The following GRAMD4 variants were observed in gnomAD, a reference collection of about 807,000 sequenced individuals.
GRAMD4 encodes the protein GRAM domain-containing protein 4.
A neutral mutation model predicts 83.9 loss-of-function variants in GRAMD4; 25 were observed. The observed-to-expected ratio is 0.30, with a 90% CI of 0.22 to 0.42. GRAMD4 has a LOEUF of 0.42. Ranked by LOEUF, GRAMD4 falls within the 10% of genes least tolerant of loss-of-function variation. GRAMD4 has a pLI of 1.00. For missense variants in GRAMD4, 593 were observed against 788.7 expected, an observed-to-expected ratio of 0.75 and a Z score of 2.97; for synonymous variants, 336 against 320.9, an observed-to-expected ratio of 1.05 and a Z score of -0.50.
chr22:46,637,904 G>T lies in GRAMD4; in HGVS notation c.227G>T (p.Arg76Leu). ...VQDFNRTEFD[R>L]LNEIKGHLEI... The stretch of plus-strand genomic sequence containing the variant: ...GACTTTAACCGGACAGAGTTTGATC[G>T]ACTGAATGAGATCAAAGGTCACCTG... Residue 76 changes from arginine to leucine, a missense_variant, in exon 3 of 19, where the codon CGA becomes CTA. This residue lies in a region of GRAMD4 where 312 missense variants were observed against 350.7 expected (regional missense o/e 0.89). Coordinates refer to ENST00000406902, the MANE Select transcript of GRAMD4 (RefSeq NM_015124.5). 1 of 1,613,286 alleles carries T rather than the reference G, an allele frequency of 6.2e-7. No individual in the cohort carries two copies. The highest frequency in any genetic ancestry group is 1.3e-5 in the African/African-American group (1 of 75,042).
chr22:46,635,773 A>G (rs535164320), intron 2 of GRAMD4, among the ~76,000 whole-genome samples: 462 of 18,768 alleles, frequency 0.025, 22 homozygotes, highest in East Asian at 0.15. Flanking sequence ...CTCCTGTCCT[A>G]GGTGGCCGTG....
At chr22:46,610,086 C>G (rs2147086818) in intron 1 of GRAMD4, among the ~76,000 whole-genome samples, 1 of 152,332 alleles carries the variant, frequency 6.6e-6, no homozygotes, top group Admixed American at 6.5e-5. Flanking sequence ...CTTCACCAAG[C>G]TTCTTCTGCC....
chr22:46,613,112 G>A (rs1270469366), intron 1 of GRAMD4, among the ~76,000 whole-genome samples: 1 of 152,252 alleles, frequency 6.6e-6, no homozygotes, highest in Non-Finnish European at 1.5e-5. Context: ...TGTATGGGGC[G>A]TGAGAGCAGC....
intron 6 of GRAMD4, among the ~76,000 whole-genome samples, chr22:46,663,597 G>T (rs1028792782): frequency 1.3e-5 from 2 of 152,358 alleles, no homozygotes; most frequent in African/African-American, 4.8e-5. Context: ...CAGGAGATGA[G>T]GGGACGATTT....
chr22:46,596,040 G>A lies in GRAMD4; in HGVS notation c.-50+18750G>A, dbSNP rs117239565. On this transcript the variant is annotated intron_variant, in intron 1 of 1. Transcript: ENST00000431155. ...CTGGAAGCGTTGCTTCAGTGCATTA[G>A]GATGGGTTCACTTTCTCGTAATTCA... Among the ~76,000 whole-genome samples, 797 of 152,348 alleles carry A rather than the reference G, an allele frequency of 5.2e-3. 6 individuals are homozygous for A. The highest frequency in any genetic ancestry group is 9.1e-3 in the Non-Finnish European group (616 of 68,032).
intron 1 of GRAMD4, among the ~76,000 whole-genome samples, chr22:46,579,561 T>G (rs2081077408): frequency 6.6e-6 from 1 of 152,182 alleles, no homozygotes; most frequent in Non-Finnish European, 1.5e-5. Flanking sequence ...AGCACCCCAC[T>G]TGACGGGTCC....
chr22:46,671,745 C>G lies in GRAMD4; in HGVS notation c.1085-1098C>G, dbSNP rs1436594086. Among the ~76,000 whole-genome samples the G allele has an allele frequency of 2.0e-5, 3 of 150,262 alleles. 1 individual carries two copies. Among genetic ancestry groups the G allele is most frequent in the Non-Finnish European group, 4.4e-5 (3 of 67,736 alleles). ...CTCCCAGCTACTCGAGAGGCTGAGG[C>G]AGGAGAATCGCTTGAACCCGGGAGG... On this transcript the variant is annotated intron_variant, in intron 13 of 18. Coordinates refer to ENST00000406902, the MANE Select transcript of GRAMD4 (RefSeq NM_015124.5).
exon 1 of GRAMD4, chr22:46,577,273 C>T: frequency 1.6e-5 from 16 of 979,460 alleles, no homozygotes; most frequent in Non-Finnish European, 1.8e-5. Context: ...TGAGAGTTGG[C>T]CCCGATATCC....
chr22:46,672,392 A>G lies in GRAMD4; in HGVS notation c.1085-451A>G, dbSNP rs1401844819. On this transcript the variant is annotated intron_variant, in intron 13 of 18. Transcript: ENST00000406902. This position sits in a 1 kb window ranked among gnomAD's most constrained non-coding sequence, Gnocchi z 4.7. The stretch of plus-strand genomic sequence containing the variant: ...TGGGCGTGGGGGGGCACCCAGTTGA[A>G]GAAGGGCAGGTGGGAGGGGGTTTGG... Among the ~76,000 whole-genome samples, 2 of 149,086 alleles carry G rather than the reference A, an allele frequency of 1.3e-5. No homozygotes were observed. Among genetic ancestry groups the G allele is most frequent in the Admixed American group, 6.6e-5 (1 of 15,100 alleles).
upstream of GRAMD4, among the ~76,000 whole-genome samples, chr22:46,620,009 T>G (rs1357120124): frequency 6.6e-6 from 1 of 152,004 alleles, no homozygotes; most frequent in African/African-American, 2.4e-5. The surrounding 1 kb of genome is among the most constrained non-coding windows in gnomAD (Gnocchi z 4.7). Context: ...GGCCCTGATG[T>G]GGAGGTCAGC....
At chr22:46,607,649 G>A (rs1438492977) in intron 1 of GRAMD4, among the ~76,000 whole-genome samples, 1 of 152,152 alleles carries the variant, frequency 6.6e-6, no homozygotes, top group Non-Finnish European at 1.5e-5. Context: ...CCCAGCCACC[G>A]CCCTCTCTCC....
chr22:46,642,995 T>TC (rs2081995857), intron 3 of GRAMD4, among the ~76,000 whole-genome samples: 48 of 41,186 alleles, frequency 1.2e-3, no homozygotes, highest in Middle Eastern at 0.012. Flanking sequence ...ATCCATCCAT[T>TC]CATCCATTCA....
chr22:46,616,561 T>C (rs1354519527), upstream of GRAMD4, among the ~76,000 whole-genome samples: 7 of 137,226 alleles, frequency 5.1e-5, no homozygotes, highest in South Asian at 2.6e-4. Context: ...CAGGTTCCCC[T>C]GTGTGTGCGG....
intron 1 of GRAMD4, among the ~76,000 whole-genome samples, chr22:46,625,918 G>C (rs2081651076): frequency 6.6e-6 from 1 of 152,252 alleles, no homozygotes. Context: ...ACAGTGACTC[G>C]CACCTCAGTG....
intron 4 of GRAMD4, among the ~76,000 whole-genome samples, chr22:46,660,533 G>T (rs1378130175): frequency 6.6e-6 from 1 of 152,326 alleles, no homozygotes; most frequent in East Asian, 1.9e-4. Flanking sequence ...CTCTGAAGCT[G>T]CAGGATTAAA....
At chr22:46,602,762 C>CTTTTTTTTTTTTTTTTTTTTTTTTTT (rs534249203) in intron 1 of GRAMD4, among the ~76,000 whole-genome samples, 1 of 121,436 alleles carries the variant, frequency 8.2e-6, no homozygotes, top group Non-Finnish European at 1.6e-5. Context: ...CCATTTTTCT[C>CTTTTTTTTTTTTTTTTTTTTTTTTTT]TTTTTTTTTT....
intron 3 of GRAMD4, among the ~76,000 whole-genome samples, chr22:46,651,848 G>C (rs184534467): frequency 6.6e-6 from 1 of 151,060 alleles, no homozygotes; most frequent in Non-Finnish European, 1.5e-5. Flanking sequence ...AGCTGGAGGT[G>C]GGGGGGAGAG....
In GRAMD4 at chr22:46,599,158, A is replaced by G. The variant is rs559420851; in HGVS notation, c.-50+21868A>G. 3.9e-5 allele frequency among the ~76,000 whole-genome samples: 6 copies of G among 151,932 alleles called. 1 individual carries two copies. In the South Asian group the frequency reaches 8.3e-4, roughly 21 times the overall value. On this transcript the variant is annotated intron_variant, in intron 1 of 1. Coordinates refer to the GRAMD4 transcript ENST00000431155. Reference sequence around the variant, plus strand: ...AGATTTTTGGAGCCTTTGTTAACAGATGGGACCACTGGGGGTCAGATATTT... The same window carrying G: ...AGATTTTTGGAGCCTTTGTTAACAGGTGGGACCACTGGGGGTCAGATATTT...
intron 1 of GRAMD4, among the ~76,000 whole-genome samples, chr22:46,609,224 G>A (rs922398333): frequency 6.6e-5 from 10 of 152,080 alleles, no homozygotes; most frequent in Non-Finnish European, 1.5e-4. Context: ...GTTGCTGTCT[G>A]GGCCGGCTTG....
Sources: allele counts gnomAD v4.1 joint callset (sites outside exome capture counted in the v4.1 genomes callset), GRCh38; gene constraint gnomAD v4.1.1; regional missense constraint gnomAD v4.1.1; non-coding constraint Gnocchi (gnomAD v3.1); transcripts MANE v1.5; gene names NCBI Gene and HGNC (gene_info 2026-07-23, HGNC 2026-07-21).